OR9Q1: variants seen among roughly 807,000 people sequenced by gnomAD.
OR9Q1 encodes olfactory receptor family 9 subfamily Q member 1.
For missense variants in OR9Q1, 374 were observed against 378.8 expected (o/e 0.99, Z 0.11); for synonymous variants, 153 against 148.6 (o/e 1.03, Z -0.22).
At chr11:58,140,539 A>G (rs1854237067) in intron 2 of OR9Q1, among the ~76,000 whole-genome samples, 1 of 152,226 alleles carries the variant, frequency 6.6e-6, no homozygotes. Flanking sequence ...TTTATTAAAT[A>G]GGGAATCCTT....
In OR9Q1 at chr11:58,180,453, C is replaced by A; in HGVS notation, c.*76C>A. On this transcript the variant is annotated 3_prime_UTR_variant, in exon 3 of 3. Transcript: ENST00000335397. ...AATTCTGGACGCTCATTATTTATAG[C>A]ATGCTCAATGTTTAAATGAATATAT... is the stretch of plus-strand genomic sequence containing the variant. 1 of 875,436 alleles carries A rather than the reference C, an allele frequency of 1.1e-6. No homozygotes were observed. The highest frequency in any genetic ancestry group is 1.8e-6 in the Non-Finnish European group (1 of 567,710). 54.2% of individuals were successfully genotyped at this position (875,436 alleles called of 1,614,324 possible). A position where few individuals can be genotyped will look rare whatever the true frequency, so the allele number is the denominator to read the frequency against.
chr11:58,053,545 A>C, intron 1 of OR9Q1, among the ~76,000 whole-genome samples: 1 of 140,772 alleles, frequency 7.1e-6, no homozygotes, highest in Non-Finnish European at 1.6e-5. Flanking sequence ...ACATGTATAC[A>C]TATGTCACTA....
intron 2 of OR9Q1, among the ~76,000 whole-genome samples, chr11:58,124,089 C>T (rs1854064105): frequency 1.3e-5 from 2 of 152,044 alleles, no homozygotes; most frequent in South Asian, 2.1e-4. Flanking sequence ...CAAAATATTT[C>T]CCAGAGGGAA....
At chr11:58,126,701 A>G (rs1324338352) in intron 2 of OR9Q1, among the ~76,000 whole-genome samples, 3 of 152,166 alleles carry the variant, frequency 2.0e-5, no homozygotes, top group African/African-American at 7.2e-5. Flanking sequence ...TATTGAAATA[A>G]CTGTGTGGTA....
Position 58,144,344 on chromosome 11 carries a change from C to T in OR9Q1, c.-14-35087C>T, listed in dbSNP as rs571684386. On this transcript the variant is annotated intron_variant, in intron 2 of 2. Transcript: ENST00000335397. ...GTCTCCAGATTCATCCATGTCCCTA[C>T]AAAGGACATGAACTTATCATGGATT... is the stretch of plus-strand genomic sequence containing the variant. Among the ~76,000 whole-genome samples, 7 of 152,056 alleles carry T rather than the reference C, an allele frequency of 4.6e-5. No homozygotes were observed. In the East Asian group the frequency reaches 1.4e-3, roughly 29 times the overall value.
At chr11:58,158,369 A>G (rs896494217) in intron 2 of OR9Q1, among the ~76,000 whole-genome samples, 1 of 150,696 alleles carries the variant, frequency 6.6e-6, no homozygotes, top group African/African-American at 2.4e-5. Flanking sequence ...TTTCCACTGT[A>G]CATTCAAATA....
chr11:58,028,600 C>T (rs1296663658), intron 1 of OR9Q1, among the ~76,000 whole-genome samples: 1 of 152,112 alleles, frequency 6.6e-6, no homozygotes, highest in Non-Finnish European at 1.5e-5. Flanking sequence ...AGTATCTCCA[C>T]TGGGAAGGGT....
At chr11:58,037,727 T>C (rs1853121686) in intron 1 of OR9Q1, among the ~76,000 whole-genome samples, 1 of 52,098 alleles carries the variant, frequency 1.9e-5, no homozygotes, top group Non-Finnish European at 3.4e-5. Context: ...TTTTTTTTTT[T>C]TTTTTTTTTG....
intron 1 of OR9Q1, among the ~76,000 whole-genome samples, chr11:58,033,011 A>C (rs1005944440): frequency 6.6e-6 from 1 of 152,344 alleles, no homozygotes; most frequent in Middle Eastern, 3.4e-3. Context: ...AAAAATTCTC[A>C]TCATCACTAA....
chr11:58,118,909 C>G (rs1853991530), intron 2 of OR9Q1: 2 of 1,614,002 alleles, frequency 1.2e-6, no homozygotes, highest in Non-Finnish European at 1.7e-6. Flanking sequence ...TGGGAGGTCA[C>G]AGAAGAAGAA....
Position 58,100,106 on chromosome 11 carries a change from C to T in OR9Q1, c.-15+44159C>T, listed in dbSNP as rs576913397. Among the ~76,000 whole-genome samples the T allele has an allele frequency of 2.6e-5, 4 of 152,282 alleles. No individual in the cohort carries two copies. The East Asian group carries it at 7.7e-4, about 29-fold the overall frequency. ...CTCCCACGCCAGGTAGTCTCTCATC[C>T]TTAAGAATGCTAACCCTTGGAGCAG... is the stretch of plus-strand genomic sequence containing the variant. On this transcript the variant is annotated intron_variant, in intron 2 of 2. Transcript: ENST00000335397.
At chr11:58,053,958 G>A (rs149538033) in intron 1 of OR9Q1, among the ~76,000 whole-genome samples, 56 of 152,118 alleles carry the variant, frequency 3.7e-4, no homozygotes, top group African/African-American at 1.2e-3. Context: ...AATTTGATAA[G>A]AAAGCAGATT....
intron 1 of OR9Q1, among the ~76,000 whole-genome samples, chr11:58,053,505 G>C (rs1434439642): frequency 7.0e-6 from 1 of 143,588 alleles, no homozygotes; most frequent in African/African-American, 2.5e-5. Flanking sequence ...GCTAAATGAC[G>C]AGTTAATGGG....
At chr11:58,169,947 G>C (rs1204675470) in intron 2 of OR9Q1, among the ~76,000 whole-genome samples, 1 of 151,664 alleles carries the variant, frequency 6.6e-6, no homozygotes, top group Non-Finnish European at 1.5e-5. Flanking sequence ...CATACAGTCT[G>C]CATTCTCTTT....
At chr11:58,154,150 G>A (rs1854382077) in intron 2 of OR9Q1, among the ~76,000 whole-genome samples, 1 of 150,138 alleles carries the variant, frequency 6.7e-6, no homozygotes, top group South Asian at 2.1e-4. Flanking sequence ...TGAGAAGGAG[G>A]AAGAGGAGAA....
At chr11:58,066,326 T>C (rs2120007680) in intron 2 of OR9Q1, among the ~76,000 whole-genome samples, 2 of 152,188 alleles carry the variant, frequency 1.3e-5, no homozygotes, top group East Asian at 1.9e-4. Context: ...GTGTCCACCA[T>C]GGACACTGTG....
At chr11:58,134,483 C>G (rs1465916746) in intron 2 of OR9Q1, among the ~76,000 whole-genome samples, 3 of 152,152 alleles carry the variant, frequency 2.0e-5, no homozygotes, top group Non-Finnish European at 4.4e-5. Context: ...TTCCTGAAGG[C>G]AGGTGAGTGG....
rs199615829 is a variant in OR9Q1 at position 58,093,893 on chromosome 11, CAAAG to C, written c.-15+37949_-15+37952del. On this transcript the variant is annotated intron_variant, in intron 2 of 2. Coordinates refer to ENST00000335397, the MANE Select transcript of OR9Q1 (RefSeq NM_001005212.4). ...TCTAGAAAAATATATGAAGATTTCT[CAAAG>C]AACTAAAAATAGCACTATCATTTGA... Among the ~76,000 whole-genome samples, 1,259 of 151,484 alleles carry C rather than the reference CAAAG, an allele frequency of 8.3e-3. 15 individuals carry two copies. The highest frequency in any genetic ancestry group is 0.029 in the African/African-American group (1,181 of 41,320).
chr11:58,085,331 A>G (rs1453540184), intron 2 of OR9Q1, among the ~76,000 whole-genome samples: 1 of 151,888 alleles, frequency 6.6e-6, no homozygotes, highest in Non-Finnish European at 1.5e-5. Context: ...ACCACAATCA[A>G]GGCAATCAAT....
Sources: gnomAD v4.1 joint callset for allele counts (sites outside exome capture counted in the v4.1 genomes callset) on GRCh38, gnomAD v4.1.1 for gene constraint, MANE v1.5 for transcripts, NCBI Gene and HGNC (gene_info 2026-07-23, HGNC 2026-07-21) for gene names.